The following DCAF17 variants were observed in gnomAD, a reference collection of about 807,000 sequenced individuals.
DCAF17 encodes the protein DDB1- and CUL4-associated factor 17.
A neutral mutation model predicts 66.0 loss-of-function variants in DCAF17; 48 were observed. The observed-to-expected ratio is 0.73, with a 90% CI of 0.58 to 0.92. DCAF17 has a LOEUF of 0.92. DCAF17 is among the 40% of genes least tolerant of loss of function. DCAF17 has a pLI of 0.00. For synonymous variants in DCAF17, 206 were observed against 214.6 expected (o/e 0.96, Z 0.35); for missense variants, 562 against 622.8 (o/e 0.90, Z 1.04).
intron 8 of DCAF17, among the ~76,000 whole-genome samples, chr2:171,462,778 A>G (rs951042122): frequency 1.3e-5 from 2 of 152,238 alleles, no homozygotes; most frequent in African/African-American, 4.8e-5. Flanking sequence ...TCTAATAGCA[A>G]AAGATTGGAA....
Position 171,480,918 on chromosome 2 carries a change from AC to A in DCAF17, c.1423-55del. 1.9e-6 allele frequency: 3 copies of A among 1,608,238 alleles called. No homozygotes were observed. The South Asian group carries it at 3.3e-5, about 18-fold the overall frequency. On this transcript the variant is annotated intron_variant, in intron 13 of 13. Coordinates refer to ENST00000375255, the MANE Select transcript of DCAF17 (RefSeq NM_025000.4). ...ATAGGTACTGTGACATTTTAGTAAC[AC>A]AGTAGTGAATATGGCTGTGTGAAAA...
intron 8 of DCAF17, 62 bp downstream of exon 8, chr2:171,458,539 T>C (rs947429852): frequency 3.3e-6 from 4 of 1,211,450 alleles, no homozygotes; most frequent in Non-Finnish European, 3.6e-6. Context: ...TAAATAGTTA[T>C]TAATTATAGT....
intron 3 of DCAF17, among the ~76,000 whole-genome samples, chr2:171,444,254 C>T (rs1694486299): frequency 6.6e-6 from 1 of 152,112 alleles, no homozygotes; most frequent in African/African-American, 2.4e-5. Flanking sequence ...TGATGATTAT[C>T]AAGCCATTTC....
In DCAF17 at chr2:171,434,664, G is replaced by A. The variant is rs556269367; in HGVS notation, c.87G>A (p.Gln29=). 4 of 1,530,282 alleles carry A rather than the reference G, an allele frequency of 2.6e-6. No individual in the cohort carries two copies. The highest frequency in any genetic ancestry group is 2.8e-5 in the African/African-American group (2 of 70,696). 94.8% of individuals were successfully genotyped at this position (1,530,282 alleles called of 1,614,324 possible). The change falls in exon 1 of 14, where the codon CAG becomes CAA. Residue 29 remains glutamine, a synonymous_variant. Coordinates refer to ENST00000375255, the MANE Select transcript of DCAF17 (RefSeq NM_025000.4). ...TCTCGCGCGACGCAGGCGTGGTGCA[G>A]AGGACCAACCTGGGCATCCTGCGGG... ...GCFSRDAGVV[Q]RTNLGILRAL...
rs1001135273 is a variant in DCAF17, at chr2:171,483,992, A to C, written c.*2878A>C. The C allele has an allele frequency of 1.5e-5, 7 of 453,784 alleles. No homozygotes were observed. Among genetic ancestry groups the C allele is most frequent in the Admixed American group, 9.4e-5 (4 of 42,532 alleles). The allele number at this position is 453,784 out of a possible 1,614,324, so 28.1% of individuals were successfully genotyped here. A position where few individuals can be genotyped will look rare whatever the true frequency, so the allele number is the denominator to read the frequency against. On this transcript the variant is annotated 3_prime_UTR_variant, in exon 14 of 14. Coordinates refer to ENST00000375255, the MANE Select transcript of DCAF17 (RefSeq NM_025000.4). ...CTAGATATGTAGGAAAGTGCTTAATAATCGTTTTTTACTGATGATTCAGTG... is the reference window on the plus strand; with the variant it reads ...CTAGATATGTAGGAAAGTGCTTAATCATCGTTTTTTACTGATGATTCAGTG...
chr2:171,468,060 A>G (rs934046473), intron 8 of DCAF17, among the ~76,000 whole-genome samples: 4 of 152,158 alleles, frequency 2.6e-5, no homozygotes, highest in Admixed American at 2.6e-4. Flanking sequence ...GGTGTTTCCT[A>G]AAGGCTGCTT....
At chr2:171,475,501 T>G (rs1466676080) in intron 10 of DCAF17, among the ~76,000 whole-genome samples, 2 of 152,144 alleles carry the variant, frequency 1.3e-5, no homozygotes, top group African/African-American at 4.8e-5. Context: ...CTTGGTGGTT[T>G]AGGCCTATAA....
intron 2 of DCAF17, among the ~76,000 whole-genome samples, chr2:171,436,569 A>G (rs1285087027): frequency 6.6e-6 from 1 of 151,308 alleles, no homozygotes; most frequent in Admixed American, 6.6e-5. Flanking sequence ...TTTCTTGTGC[A>G]TATTAGCCAT....
At chr2:171,479,985 C>T (rs1166885861) in intron 12 of DCAF17, 53 bp from the exon 13 acceptor site, 1 of 1,592,700 alleles carries the variant, frequency 6.3e-7, no homozygotes, top group Admixed American at 1.7e-5. Flanking sequence ...ATAAGCCTAC[C>T]TGAATAACTG....
intron 8 of DCAF17, among the ~76,000 whole-genome samples, chr2:171,466,447 A>G (rs1695902494): frequency 6.6e-6 from 1 of 151,638 alleles, no homozygotes; most frequent in Admixed American, 6.6e-5. Flanking sequence ...TGGCTCTCCT[A>G]CTCTTTTAAT....
At position 171,483,956 on chromosome 2, in the gene DCAF17, C is replaced by T. The variant is rs1429672808; in HGVS notation, c.*2842C>T. 2.2e-6 allele frequency: 1 copy of T among 454,014 alleles called. No individual in the cohort carries two copies. The highest frequency in any genetic ancestry group is 2.3e-5 in the Admixed American group (1 of 42,560). 28.1% of individuals were successfully genotyped at this position (454,014 alleles called of 1,614,324 possible). A position where few individuals can be genotyped will look rare whatever the true frequency, so the allele number is the denominator to read the frequency against. ...ATTTTATCCCAATTTAGCATACCAACAACTATAATACTAGATATGTAGGAA... is the reference window on the plus strand; with the variant it reads ...ATTTTATCCCAATTTAGCATACCAATAACTATAATACTAGATATGTAGGAA... On this transcript the variant is annotated 3_prime_UTR_variant, in exon 14 of 14. Transcript: ENST00000375255.
At chr2:171,467,761 C>T (rs928229153) in intron 8 of DCAF17, among the ~76,000 whole-genome samples, 12 of 141,542 alleles carry the variant, frequency 8.5e-5, no homozygotes, top group South Asian at 2.3e-4. Context: ...AAAAGTTGTA[C>T]GTGGATTTTT....
Position 171,482,427 on chromosome 2 carries a change from C to G in DCAF17, c.*1313C>G, listed in dbSNP as rs1696782538. ...GATGTGAATTCTTCCCAGTTCTGCC[C>G]TGGTGCTAGACATTGCCCCATACTT... On this transcript the variant is annotated 3_prime_UTR_variant, in exon 14 of 14. Transcript: ENST00000375255. 1 of 453,790 alleles carries G rather than the reference C, an allele frequency of 2.2e-6. No individual in the cohort carries two copies. Among genetic ancestry groups the G allele is most frequent in the Non-Finnish European group, 4.4e-6 (1 of 226,780 alleles). The allele number at this position is 453,790 out of a possible 1,614,324, so 28.1% of individuals were successfully genotyped here. A position where few individuals can be genotyped will look rare whatever the true frequency, so the allele number is the denominator to read the frequency against.
intron 6 of DCAF17, among the ~76,000 whole-genome samples, chr2:171,454,022 C>T (rs958240876): frequency 4.0e-5 from 6 of 151,828 alleles, no homozygotes; most frequent in African/African-American, 9.7e-5. Flanking sequence ...AACATTGTAA[C>T]GTATATATTT....
Position 171,482,561 on chromosome 2 carries a change from G to A in DCAF17, c.*1447G>A, listed in dbSNP as rs760726025. The stretch of plus-strand genomic sequence containing the variant: ...AGTACTAAAGAAAGAAACCAATGTT[G>A]TGTGAGTTTCAAAGCAGCTGCAATG... On this transcript the variant is annotated 3_prime_UTR_variant, in exon 14 of 14. Transcript: ENST00000375255. The A allele has an allele frequency of 1.3e-5, 6 of 453,952 alleles. No individual in the cohort carries two copies. Among genetic ancestry groups the A allele is most frequent in the Admixed American group, 9.4e-5 (4 of 42,546 alleles). The allele number at this position is 453,952 out of a possible 1,614,324, so 28.1% of individuals were successfully genotyped here.
chr2:171,463,625 C>T (rs1695727815), intron 8 of DCAF17, among the ~76,000 whole-genome samples: 1 of 152,200 alleles, frequency 6.6e-6, no homozygotes, highest in Non-Finnish European at 1.5e-5. Context: ...TACAAATGAA[C>T]CATAATTTAC....
intron 3 of DCAF17, among the ~76,000 whole-genome samples, chr2:171,446,841 T>C (rs530410030): frequency 2.0e-4 from 31 of 152,276 alleles, no homozygotes; most frequent in African/African-American, 7.0e-4. Flanking sequence ...GAAAATATTA[T>C]GAAATTTTAA....
chr2:171,440,224 G>C (rs777044067), intron 2 of DCAF17, among the ~76,000 whole-genome samples: 1 of 152,098 alleles, frequency 6.6e-6, no homozygotes, highest in Non-Finnish European at 1.5e-5. Context: ...TCAAACTTTT[G>C]TATTTTGCCT....
At position 171,448,710 on chromosome 2, in the gene DCAF17, T is replaced by C; in HGVS notation, c.351T>C (p.Tyr117=). 1 of 1,611,412 alleles carries C rather than the reference T, an allele frequency of 6.2e-7. No individual in the cohort carries two copies. Residue 117 remains tyrosine, a synonymous_variant, in exon 4 of 14, where the codon TAT becomes TAC. Coordinates refer to ENST00000375255, the MANE Select transcript of DCAF17 (RefSeq NM_025000.4). The stretch of plus-strand genomic sequence containing the variant: ...ATATACTTCCCAATTCATCAGATTA[T>C]AAGTCCTCACTCATAGCACTGACTG... ...VGDILPNSSD[Y]KSSLIALTAH...
Sources: allele counts gnomAD v4.1 joint callset (sites outside exome capture counted in the v4.1 genomes callset), GRCh38; gene constraint gnomAD v4.1.1; transcripts MANE v1.5; gene names NCBI Gene and HGNC (gene_info 2026-07-23, HGNC 2026-07-21).